The following CUL3 variants were observed in gnomAD, a reference collection of about 807,000 sequenced individuals.
The protein encoded by CUL3 is cullin-3.
CUL3 carries 19 observed loss-of-function variants against 89.1 expected under a neutral mutation model. That is an observed-to-expected ratio of 0.21 (90% CI 0.15 to 0.31). The LOEUF is 0.31. Among genes scored for constraint, CUL3 ranks in the 10% least tolerant of loss-of-function variants. The pLI is 1.00. For synonymous variants in CUL3, 351 were observed against 308.4 expected, an observed-to-expected ratio of 1.14 and a Z score of -1.45; for missense variants, 469 against 942.3, an observed-to-expected ratio of 0.50 and a Z score of 6.58.
At chr2:224,505,405 G>C (rs563353304) in intron 8 of CUL3, among the ~76,000 whole-genome samples, 3 of 152,266 alleles carry the variant, frequency 2.0e-5, no homozygotes, top group African/African-American at 7.2e-5. Context: ...CCAAAGTGCT[G>C]AGATTACAGG....
intron 5 of CUL3, 152 bp from the exon 6 acceptor site, chr2:224,511,734 T>C: frequency 1.8e-6 from 1 of 550,042 alleles, no homozygotes; most frequent in African/African-American, 1.9e-5. Flanking sequence ...GAAAGACTGA[T>C]ATAGTCTGAA....
intron 3 of CUL3, among the ~76,000 whole-genome samples, chr2:224,525,437 A>G (rs1693434770): frequency 6.6e-6 from 1 of 152,198 alleles, no homozygotes; most frequent in Non-Finnish European, 1.5e-5. Context: ...AAAAATGGAG[A>G]TAACATTCAA....
intron 2 of CUL3, among the ~76,000 whole-genome samples, chr2:224,548,611 G>A (rs1413230357): frequency 6.6e-6 from 1 of 152,098 alleles, no homozygotes. Flanking sequence ...AAGAAATTAA[G>A]CATAAGGTAA....
At chr2:224,482,143 T>C (rs1468518453) in intron 13 of CUL3, 65 bp from the exon 14 acceptor site, 1 of 1,274,392 alleles carries the variant, frequency 7.8e-7, no homozygotes, top group Non-Finnish European at 1.1e-6. Flanking sequence ...AATTAGCAAG[T>C]AAACTGACCA....
chr2:224,528,764 T>C (rs1055349624), intron 3 of CUL3, among the ~76,000 whole-genome samples: 1 of 152,120 alleles, frequency 6.6e-6, no homozygotes, highest in African/African-American at 2.4e-5. Flanking sequence ...CCCTCCTTTC[T>C]TGGGTTACTC....
chr2:224,551,366 C>T (rs746678803), intron 2 of CUL3, among the ~76,000 whole-genome samples: 11 of 152,172 alleles, frequency 7.2e-5, no homozygotes, highest in Non-Finnish European at 1.0e-4. Flanking sequence ...CCACCACGTC[C>T]GGCTCATTTT....
Position 224,585,323 on chromosome 2 carries a change from G to T in CUL3, c.-314C>A. ...CCTCCGCGATGGCGGCGGCGGCGGCGACGGACAAACATCTCACTGCGCAGG... is the reference window on the plus strand; with the variant it reads ...CCTCCGCGATGGCGGCGGCGGCGGCTACGGACAAACATCTCACTGCGCAGG... On this transcript the variant is annotated 5_prime_UTR_variant, in exon 1 of 16. Coordinates refer to ENST00000264414, the MANE Select transcript of CUL3 (RefSeq NM_003590.5). The T allele has an allele frequency of 2.5e-6, 1 of 402,456 alleles. No homozygotes were observed. The highest frequency in any genetic ancestry group is 3.5e-5 in the East Asian group (1 of 28,204). The allele number at this position is 402,456 out of a possible 1,614,324, so 24.9% of individuals were successfully genotyped here. A position where few individuals can be genotyped will look rare whatever the true frequency, so the allele number is the denominator to read the frequency against.
At chr2:224,548,572 T>C (rs527322324) in intron 2 of CUL3, among the ~76,000 whole-genome samples, 4 of 152,316 alleles carry the variant, frequency 2.6e-5, no homozygotes, top group African/African-American at 7.2e-5. Flanking sequence ...ACCATGTTAT[T>C]TGATTATTAC....
chr2:224,549,878 GCA>G (rs925475521), intron 2 of CUL3, among the ~76,000 whole-genome samples: 24 of 150,742 alleles, frequency 1.6e-4, no homozygotes, highest in African/African-American at 3.4e-4. Context: ...ACACACACAC[GCA>G]CACACACACA....
intron 2 of CUL3, among the ~76,000 whole-genome samples, chr2:224,542,039 T>C (rs1694127455): frequency 6.6e-6 from 1 of 152,222 alleles, no homozygotes; most frequent in African/African-American, 2.4e-5. Context: ...AATTTTATTA[T>C]ACACTAATTT....
chr2:224,472,529 T>C lies in CUL3; in HGVS notation c.*1716A>G, dbSNP rs888183683. 12 of 187,350 alleles carry C rather than the reference T, an allele frequency of 6.4e-5. No homozygotes were observed. Among genetic ancestry groups the C allele is most frequent in the African/African-American group, 2.3e-4 (10 of 42,970 alleles). The allele number at this position is 187,350 out of a possible 1,614,324, so 11.6% of individuals were successfully genotyped here. ...AGAAGGTGAAACCCTTAGCTTTCCA[T>C]GTTACACCTGACTTAGTACTACTCA... On this transcript the variant is annotated 3_prime_UTR_variant, in exon 16 of 16. Coordinates refer to ENST00000264414, the MANE Select transcript of CUL3 (RefSeq NM_003590.5).
chr2:224,478,987 A>G (rs2106145105), intron 14 of CUL3: 1 of 152,374 alleles, frequency 6.6e-6, no homozygotes, highest in Admixed American at 6.5e-5. Flanking sequence ...CCAGATTCCA[A>G]TCTTTAGGAG....
intron 13 of CUL3, among the ~76,000 whole-genome samples, chr2:224,483,435 A>C (rs1280299017): frequency 2.0e-5 from 3 of 152,190 alleles, no homozygotes; most frequent in Non-Finnish European, 2.9e-5. Context: ...TGAGAGAGTT[A>C]AGCATAACAG....
chr2:224,562,505 G>C (rs1037314031), intron 1 of CUL3, among the ~76,000 whole-genome samples: 1 of 151,988 alleles, frequency 6.6e-6, no homozygotes, highest in Non-Finnish European at 1.5e-5. Flanking sequence ...GGATGTGGTG[G>C]TGCGTGCCTG....
intron 2 of CUL3, among the ~76,000 whole-genome samples, chr2:224,540,333 C>T (rs564762721): frequency 1.3e-5 from 2 of 151,858 alleles, no homozygotes; most frequent in South Asian, 2.1e-4. Context: ...GCTGGGATTA[C>T]ACTGTGTCCA....
chr2:224,514,883 G>A lies in CUL3; in HGVS notation c.379-111C>T, dbSNP rs182390199. 567 of 737,316 alleles carry A rather than the reference G, an allele frequency of 7.7e-4. 4 individuals are homozygous for A. In the African/African-American group the frequency reaches 9.2e-3, roughly 12 times the overall value. 45.7% of individuals were successfully genotyped at this position (737,316 alleles called of 1,614,324 possible). ...AATTCCAAAAGCAATCATTTTTCAG[G>A]TGAGAAACACTTCAAATGATCTTAA... On this transcript the variant is annotated intron_variant, in intron 3 of 15. Transcript: ENST00000264414.
At chr2:224,542,891 T>G (rs1262376473) in intron 2 of CUL3, among the ~76,000 whole-genome samples, 1 of 152,122 alleles carries the variant, frequency 6.6e-6, no homozygotes, top group Non-Finnish European at 1.5e-5. Context: ...GCCCTTGAGT[T>G]TTCATTCCCA....
intron 1 of CUL3, among the ~76,000 whole-genome samples, chr2:224,569,537 A>G (rs1175300168): frequency 6.6e-6 from 1 of 152,190 alleles, no homozygotes; most frequent in Non-Finnish European, 1.5e-5. Context: ...CAATTTTCCC[A>G]TCAGAAAAGT....
intron 3 of CUL3, among the ~76,000 whole-genome samples, chr2:224,522,653 C>T (rs1180175735): frequency 1.3e-5 from 2 of 151,940 alleles, no homozygotes; most frequent in African/African-American, 4.8e-5. Flanking sequence ...CAGTGAAACC[C>T]CATCTCTACT....
Sources: allele counts gnomAD v4.1 joint callset (sites outside exome capture counted in the v4.1 genomes callset), GRCh38; gene constraint gnomAD v4.1.1; transcripts MANE v1.5; gene names NCBI Gene and HGNC (gene_info 2026-07-23, HGNC 2026-07-21).